CAND1: variants seen among roughly 807,000 people sequenced by gnomAD.
CAND1 encodes the protein cullin-associated NEDD8-dissociated protein 1.
A neutral mutation model predicts 108.5 loss-of-function variants in CAND1; 7 were observed. That is an observed-to-expected ratio of 0.06 (90% CI 0.04 to 0.12). The LOEUF (loss-of-function observed/expected upper bound fraction) is 0.12, where lower values mean the gene tolerates loss of function less well. CAND1 is among the 10% of genes least tolerant of loss of function. The probability of loss-of-function intolerance (pLI) is 1.00; values close to 1 mark genes in which losing one functional copy is unlikely to be tolerated. For synonymous variants in CAND1, 534 were observed against 512.0 expected, an observed-to-expected ratio of 1.04 and a Z score of -0.58; for missense variants, 941 against 1,448.7, an observed-to-expected ratio of 0.65 and a Z score of 5.69.
At position 67,312,890 on chromosome 12, in the gene CAND1, T is replaced by A; in HGVS notation, c.*60T>A. On this transcript the variant is annotated 3_prime_UTR_variant, in exon 15 of 15. Transcript: ENST00000545606. ...CATACAATGCACTGAATTGACAGGTTAATCATAAGACATGGAAAGAGAAGT... is the reference window on the plus strand; with the variant it reads ...CATACAATGCACTGAATTGACAGGTAAATCATAAGACATGGAAAGAGAAGT... The A allele has an allele frequency of 9.3e-7, 1 of 1,077,768 alleles. No individual in the cohort carries two copies. The highest frequency in any genetic ancestry group is 1.3e-6 in the Non-Finnish European group (1 of 741,674). 66.8% of individuals were successfully genotyped at this position (1,077,768 alleles called of 1,614,324 possible).
chr12:67,298,139 A>G (rs2044787933), intron 6 of CAND1, among the ~76,000 whole-genome samples: 1 of 152,194 alleles, frequency 6.6e-6, no homozygotes, highest in South Asian at 2.1e-4. Context: ...GTAATAATGT[A>G]GTCTGTACTG....
chr12:67,303,605 G>A (rs1424855928), intron 8 of CAND1, among the ~76,000 whole-genome samples: 1 of 152,114 alleles, frequency 6.6e-6, no homozygotes, highest in South Asian at 2.1e-4. Flanking sequence ...CATGTAGTTT[G>A]GTTGTTGGGA....
At chr12:67,269,947 C>G in intron 1 of CAND1, 162 bp downstream of exon 1, 1 of 575,198 alleles carries the variant, frequency 1.7e-6, no homozygotes, top group South Asian at 2.3e-5. Context: ...CTGCGGAGCC[C>G]CTTTCCTCTC....
Position 67,305,993 on chromosome 12 carries a change from G to A in CAND1, c.2325G>A (p.Leu775=). The A allele has an allele frequency of 6.2e-7, 1 of 1,614,146 alleles. No homozygotes were observed. The highest frequency in any genetic ancestry group is 8.5e-7 in the Non-Finnish European group (1 of 1,180,010). The change falls in exon 10 of 15, where the codon TTG becomes TTA. Residue 775 remains leucine (L), a synonymous_variant. Transcript: ENST00000545606. The surrounding 1 kb of genome is among the most constrained non-coding windows in gnomAD (Gnocchi z 4.4). ...CAAATAATTTAGGATACATGGATTT[G>A]TTGCGCATGCTGACTGGTCCAGTTT... The part of the protein sequence containing the change: ...TGTNNLGYMD[L]LRMLTGPVYS...
intron 2 of CAND1, among the ~76,000 whole-genome samples, chr12:67,282,332 C>T (rs2044627407): frequency 6.6e-6 from 1 of 152,038 alleles, no homozygotes; most frequent in Non-Finnish European, 1.5e-5. Context: ...TCACTATAGT[C>T]TACATTTTTA....
chr12:67,286,330 C>T (rs997019292), intron 2 of CAND1, among the ~76,000 whole-genome samples: 10 of 152,122 alleles, frequency 6.6e-5, no homozygotes, highest in Admixed American at 1.3e-4. Context: ...TTCACTGATA[C>T]CCAAGAGTGA....
rs1044794946 is a variant in CAND1 at position 67,317,062 on chromosome 12, A to G, written c.*4232A>G. On this transcript the variant is annotated 3_prime_UTR_variant, in exon 15 of 15. Coordinates refer to ENST00000545606, the MANE Select transcript of CAND1 (RefSeq NM_018448.5). ...ATGGCCCTAAAAGAATAAGGATTACATATAATGAGAAGACGTGTGGGCTGA... is the reference window on the plus strand; with the variant it reads ...ATGGCCCTAAAAGAATAAGGATTACGTATAATGAGAAGACGTGTGGGCTGA... 1 of 152,216 alleles carries G rather than the reference A, an allele frequency of 6.6e-6. No individual in the cohort carries two copies. The highest frequency in any genetic ancestry group is 2.1e-4 in the South Asian group (1 of 4,834). 9.4% of individuals were successfully genotyped at this position (152,216 alleles called of 1,614,324 possible).
rs1367078498 is a variant in CAND1 at position 67,292,787 on chromosome 12, G to A, written c.367+11G>A. ...CTCCAGCTTCCAGTGGTAAGCAAGAGCACATTTTTCTTCCTATTTCTTTTT... is the reference window on the plus strand; with the variant it reads ...CTCCAGCTTCCAGTGGTAAGCAAGAACACATTTTTCTTCCTATTTCTTTTT... On this transcript the variant is annotated intron_variant, in intron 3 of 14. Transcript: ENST00000545606. The A allele has an allele frequency of 1.9e-6, 3 of 1,611,912 alleles. No homozygotes were observed. The highest frequency in any genetic ancestry group is 4.5e-5 in the East Asian group (2 of 44,774).
intron 1 of CAND1, among the ~76,000 whole-genome samples, chr12:67,273,226 TA>T (rs2044538215): frequency 1.3e-5 from 2 of 152,318 alleles, no homozygotes; most frequent in African/African-American, 4.8e-5. Flanking sequence ...ACTTCCTCCC[TA>T]AAAGAAACAC....
intron 1 of CAND1, among the ~76,000 whole-genome samples, chr12:67,272,655 ACT>A (rs1364228406): frequency 3.3e-5 from 5 of 151,852 alleles, no homozygotes; most frequent in Non-Finnish European, 7.4e-5. Flanking sequence ...GAGATTAGGA[ACT>A]CTGCCATATG....
intron 9 of CAND1, 136 bp downstream of exon 9, chr12:67,304,882 C>A: frequency 9.2e-7 from 1 of 1,089,690 alleles, no homozygotes; most frequent in Non-Finnish European, 1.3e-6. Flanking sequence ...ACTTTTTAAT[C>A]TAACAATCTT....
intron 7 of CAND1, among the ~76,000 whole-genome samples, chr12:67,301,791 A>T (rs1470650963): frequency 1.3e-5 from 2 of 152,216 alleles, no homozygotes; most frequent in African/African-American, 2.4e-5. Context: ...CACAAAGCTG[A>T]TGTCAACCTT....
At chr12:67,279,793 A>G (rs2044603412) in intron 1 of CAND1, among the ~76,000 whole-genome samples, 1 of 152,204 alleles carries the variant, frequency 6.6e-6, no homozygotes, top group Admixed American at 6.5e-5. Context: ...GTAGAACCAT[A>G]CAGGACCATA....
In CAND1 at chr12:67,305,004, A is replaced by G; in HGVS notation, c.1436-100A>G. ...AAATTTCTACTTATAGAAATAATAT[A>G]ATGAAGTGGGAACATTAGCAGTACT... On this transcript the variant is annotated intron_variant, in intron 9 of 14. Transcript: ENST00000545606. This position sits in a 1 kb window ranked among gnomAD's most constrained non-coding sequence, Gnocchi z 4.4. 9.9e-7 allele frequency: 1 copy of G among 1,008,324 alleles called. No individual in the cohort carries two copies. The highest frequency in any genetic ancestry group is 1.4e-6 in the Non-Finnish European group (1 of 698,522). The allele number at this position is 1,008,324 out of a possible 1,614,324, so 62.5% of individuals were successfully genotyped here.
intron 1 of CAND1, among the ~76,000 whole-genome samples, chr12:67,275,991 C>T (rs2044565485): frequency 6.6e-6 from 1 of 152,110 alleles, no homozygotes; most frequent in African/African-American, 2.4e-5. Flanking sequence ...GTTAAATTAC[C>T]ATCCACTGAA....
rs568438453 is a variant in CAND1 at position 67,277,558 on chromosome 12, A to G, written c.69-4352A>G. Reference sequence around the variant, plus strand: ...GAAAAAGCACAAACATGTGAAAAACATGGGCTGAAATAGGCCAAGAAGAAG... The same window carrying G: ...GAAAAAGCACAAACATGTGAAAAACGTGGGCTGAAATAGGCCAAGAAGAAG... On this transcript the variant is annotated intron_variant, in intron 1 of 14. Transcript: ENST00000545606. Among the ~76,000 whole-genome samples the G allele has an allele frequency of 3.9e-5, 6 of 152,316 alleles. No homozygotes were observed. In the South Asian group the frequency reaches 1.0e-3, roughly 26 times the overall value.
At chr12:67,307,544 A>G (rs928476632) in intron 11 of CAND1, 52 bp downstream of exon 11, 1 of 1,165,264 alleles carries the variant, frequency 8.6e-7, no homozygotes, top group Non-Finnish European at 1.3e-6. Flanking sequence ...AGAATTCTCA[A>G]GAAACTCTTG....
At chr12:67,295,948 G>C (rs540636866) in intron 4 of CAND1, among the ~76,000 whole-genome samples, 11 of 152,298 alleles carry the variant, frequency 7.2e-5, no homozygotes, top group African/African-American at 2.6e-4. Context: ...CAAGAAAATT[G>C]TTTTTATGGA....
chr12:67,279,779 G>A (rs899018911), intron 1 of CAND1, among the ~76,000 whole-genome samples: 2 of 152,094 alleles, frequency 1.3e-5, no homozygotes, highest in Admixed American at 6.5e-5. Context: ...ATGAATTTGT[G>A]CCGGTAGAAC....
Sources: allele counts gnomAD v4.1 joint callset (sites outside exome capture counted in the v4.1 genomes callset), GRCh38; gene constraint gnomAD v4.1.1; non-coding constraint Gnocchi (gnomAD v3.1); transcripts MANE v1.5; gene names NCBI Gene and HGNC (gene_info 2026-07-23, HGNC 2026-07-21).